The following ZNF260 variants were observed in gnomAD, a reference collection of about 807,000 sequenced individuals.
ZNF260 encodes zfp-260.
A neutral mutation model predicts 29.3 loss-of-function variants in ZNF260; 21 were observed. The ratio of observed to expected loss-of-function variants is 0.72; its 90% CI spans 0.51 to 1.03. The LOEUF (loss-of-function observed/expected upper bound fraction) is 1.03, where lower values mean the gene tolerates loss of function less well. Among genes scored for constraint, ZNF260 ranks in the 50% least tolerant of loss-of-function variants. The probability of loss-of-function intolerance (pLI) is 0.00; values close to 1 mark genes in which losing one functional copy is unlikely to be tolerated. For missense variants in ZNF260, 465 were observed against 487.8 expected, an observed-to-expected ratio of 0.95 and a Z score of 0.44; for synonymous variants, 156 against 156.8, an observed-to-expected ratio of 0.99 and a Z score of 0.04.
At chr19:36,516,771 G>A (rs896439432) in intron 2 of ZNF260, among the ~76,000 whole-genome samples, 2 of 152,050 alleles carry the variant, frequency 1.3e-5, no homozygotes, top group South Asian at 2.1e-4. Context: ...GTAGAAACGG[G>A]GTTTCACCAC....
chr19:36,515,070 A>G lies in ZNF260; in HGVS notation c.169T>C (p.Cys57Arg). Residue 57 changes from cysteine to arginine, a missense_variant, in exon 3 of 3, where the codon TGC becomes CGC. Transcript: ENST00000523638. Reference sequence around the variant, plus strand: ...GAGCACACTTTACCACATTCAGTGCATTCATGAGATTTCTCTCCAGTATGC... The same window carrying G: ...GAGCACACTTTACCACATTCAGTGCGTTCATGAGATTTCTCTCCAGTATGC... ...KMHTGEKSHECTECGKVCSRV... is the reference protein window; with the variant it reads ...KMHTGEKSHERTECGKVCSRV... The G allele has an allele frequency of 1.9e-6, 3 of 1,614,156 alleles. No homozygotes were observed. Among genetic ancestry groups the G allele is most frequent in the South Asian group, 2.2e-5 (2 of 91,084 alleles).
In ZNF260 at chr19:36,515,469, T is replaced by A. The variant is rs1266712466; in HGVS notation, c.-231A>T. ...CTCTTTATATTCTTAATGGTTCTTA[T>A]ATAGCTTCTCCCATATTTAGGTATA... On this transcript the variant is annotated 5_prime_UTR_variant, in exon 3 of 3. Coordinates refer to ENST00000523638, the MANE Select transcript of ZNF260 (RefSeq NM_001166037.2). The A allele has an allele frequency of 2.4e-6, 1 of 425,098 alleles. No homozygotes were observed. Among genetic ancestry groups the A allele is most frequent in the African/African-American group, 2.0e-5 (1 of 49,570 alleles). 26.3% of individuals were successfully genotyped at this position (425,098 alleles called of 1,614,324 possible).
At chr19:36,526,687 G>A (rs758232197) in intron 1 of ZNF260, among the ~76,000 whole-genome samples, 3 of 151,810 alleles carry the variant, frequency 2.0e-5, no homozygotes, top group Non-Finnish European at 4.4e-5. Context: ...TATTGTTTAG[G>A]GAATCATGAC....
At chr19:36,527,193 T>A (rs1309608919) in intron 1 of ZNF260, among the ~76,000 whole-genome samples, 1 of 152,202 alleles carries the variant, frequency 6.6e-6, no homozygotes, top group African/African-American at 2.4e-5. Context: ...TGTAATGTTG[T>A]TGCTGATAGG....
In ZNF260 at chr19:36,514,305, CT is replaced by C. The variant is rs1423606915; in HGVS notation, c.933del (p.Ala312ProfsTer12). ...EKPYECNKCG[K>X]AFSRITSLIV... ...ATAAGTGATGTGATTCGAGAGAAGG[CT>C]TTTCCACATTTATTACATTCATAGG... On this transcript the variant is annotated frameshift_variant, in exon 3 of 3. Transcript: ENST00000523638. LOFTEE classifies it high-confidence loss of function. 1 of 1,614,096 alleles carries C rather than the reference CT, an allele frequency of 6.2e-7. No homozygotes were observed.
rs975548909 is a variant in ZNF260, at chr19:36,511,262, C to A, written c.*2738G>T. ...ACATCAGGCCGGGCACGGTGGCTCA[C>A]GCCTGTAATCCCAGCACTTCGGGAG... On this transcript the variant is annotated 3_prime_UTR_variant, in exon 3 of 3. Transcript: ENST00000523638. 1.3e-5 allele frequency: 2 copies of A among 152,052 alleles called. No individual in the cohort carries two copies. Among genetic ancestry groups the A allele is most frequent in the African/African-American group, 2.4e-5 (1 of 41,366 alleles). The allele number at this position is 152,052 out of a possible 1,614,324, so 9.4% of individuals were successfully genotyped here.
intron 2 of ZNF260, among the ~76,000 whole-genome samples, chr19:36,524,079 G>C (rs1220472299): frequency 2.0e-5 from 3 of 152,092 alleles, no homozygotes; most frequent in Non-Finnish European, 2.9e-5. Flanking sequence ...AAGAATGATA[G>C]AAAGTTAAAA....
At chr19:36,522,803 CA>C (rs2034668300) in intron 2 of ZNF260, among the ~76,000 whole-genome samples, 3 of 152,182 alleles carry the variant, frequency 2.0e-5, no homozygotes, top group Non-Finnish European at 4.4e-5. Context: ...GGACCATAAG[CA>C]CCAAAGTTAG....
chr19:36,515,415 G>A lies in ZNF260; in HGVS notation c.-177C>T. The A allele has an allele frequency of 1.7e-6, 1 of 595,202 alleles. No homozygotes were observed. Among genetic ancestry groups the A allele is most frequent in the Non-Finnish European group, 2.8e-6 (1 of 355,294 alleles). The allele number at this position is 595,202 out of a possible 1,614,324, so 36.9% of individuals were successfully genotyped here. A position where few individuals can be genotyped will look rare whatever the true frequency, so the allele number is the denominator to read the frequency against. On this transcript the variant is annotated 5_prime_UTR_variant, in exon 3 of 3. Coordinates refer to ENST00000523638, the MANE Select transcript of ZNF260 (RefSeq NM_001166037.2). ...CACATTGATTACCCTGAGATGAGAT[G>A]ATTACAAAAAGGGATAAAATGTAAC... is the stretch of plus-strand genomic sequence containing the variant.
chr19:36,525,128 A>G (rs547593192), intron 2 of ZNF260, 27 bp downstream of exon 2: 8 of 152,286 alleles, frequency 5.3e-5, no homozygotes, highest in African/African-American at 9.6e-5. Context: ...AATAACTGCA[A>G]TAAGTCTTTA....
In ZNF260 at chr19:36,513,805, G is replaced by C. The variant is rs2034491393; in HGVS notation, c.*195C>G. 1.6e-6 allele frequency: 1 copy of C among 612,134 alleles called. No homozygotes were observed. 37.9% of individuals were successfully genotyped at this position (612,134 alleles called of 1,614,324 possible). On this transcript the variant is annotated 3_prime_UTR_variant, in exon 3 of 3. Transcript: ENST00000523638. ...TAGAAGTACAGCATTGATAATGCTT[G>C]TTGTGGGAGTTTTGGGGGTACGGGT...
rs1482196310 is a variant in ZNF260, at chr19:36,513,265, G to A, written c.*735C>T. 6.6e-6 allele frequency: 1 copy of A among 152,188 alleles called. No homozygotes were observed. Among genetic ancestry groups the A allele is most frequent in the Admixed American group, 6.6e-5 (1 of 15,252 alleles). The allele number at this position is 152,188 out of a possible 1,614,324, so 9.4% of individuals were successfully genotyped here. ...ATAGGGGACTACCATACTCAAGAGTGGAACTACCGGGTATTCTGGAATGTT... is the reference window on the plus strand; with the variant it reads ...ATAGGGGACTACCATACTCAAGAGTAGAACTACCGGGTATTCTGGAATGTT... On this transcript the variant is annotated 3_prime_UTR_variant, in exon 3 of 3. Transcript: ENST00000523638.
chr19:36,521,102 A>C (rs1001888847), intron 2 of ZNF260, among the ~76,000 whole-genome samples: 23 of 151,644 alleles, frequency 1.5e-4, no homozygotes, highest in African/African-American at 5.6e-4. Flanking sequence ...AAAGAAAGAA[A>C]GAAGGAAAAA....
At chr19:36,521,536 T>C (rs1014915268) in intron 2 of ZNF260, among the ~76,000 whole-genome samples, 7 of 147,172 alleles carry the variant, frequency 4.8e-5, no homozygotes, top group African/African-American at 1.8e-4. Context: ...GCAGATCACC[T>C]GAGGTCAGGA....
chr19:36,520,798 T>C (rs1371870035), intron 2 of ZNF260, among the ~76,000 whole-genome samples: 1 of 147,972 alleles, frequency 6.8e-6, no homozygotes, highest in East Asian at 2.0e-4. Flanking sequence ...AGGCAGAGGT[T>C]GCAGTGAGCT....
At chr19:36,517,035 A>C (rs2034563231) in intron 2 of ZNF260, among the ~76,000 whole-genome samples, 1 of 152,242 alleles carries the variant, frequency 6.6e-6, no homozygotes, top group Admixed American at 6.5e-5. Flanking sequence ...CACCATTAAA[A>C]TGACAGTAAA....
rs1262244129 is a variant in ZNF260, at chr19:36,513,038, C to T, written c.*962G>A. On this transcript the variant is annotated 3_prime_UTR_variant, in exon 3 of 3. Transcript: ENST00000523638. ...TATTCTGAGAGAAAGATCATATTCA[C>T]ATAACTTTTATGATTACAGTATATT... The T allele has an allele frequency of 6.6e-6, 1 of 152,146 alleles. No individual in the cohort carries two copies. Among genetic ancestry groups the T allele is most frequent in the Non-Finnish European group, 1.5e-5 (1 of 68,022 alleles). The allele number at this position is 152,146 out of a possible 1,614,324, so 9.4% of individuals were successfully genotyped here. A position where few individuals can be genotyped will look rare whatever the true frequency, so the allele number is the denominator to read the frequency against.
At chr19:36,516,470 G>T (rs552387986) in intron 2 of ZNF260, among the ~76,000 whole-genome samples, 208 of 152,272 alleles carry the variant, frequency 1.4e-3, no homozygotes, top group Non-Finnish European at 2.4e-3. Context: ...GGTGCCTGTA[G>T]TCCTAGCTAC....
intron 2 of ZNF260, among the ~76,000 whole-genome samples, chr19:36,522,918 T>C (rs1376899314): frequency 6.6e-6 from 1 of 152,220 alleles, no homozygotes; most frequent in Non-Finnish European, 1.5e-5. Flanking sequence ...TCACTTAGCT[T>C]TACTGTGATT....
Sources: allele counts gnomAD v4.1 joint callset (sites outside exome capture counted in the v4.1 genomes callset), GRCh38; gene constraint gnomAD v4.1.1; transcripts MANE v1.5; gene names NCBI Gene and HGNC (gene_info 2026-07-23, HGNC 2026-07-21).